Variants in NRXN1 observed in about 807,000 individuals in gnomAD.
The protein encoded by NRXN1 is neurexin 1, also known as neurexin-1.
In NRXN1, 39 loss-of-function variants were observed where a neutral mutation model predicts 150.9. The observed-to-expected ratio is 0.26, with a 90% CI of 0.20 to 0.34. The LOEUF (loss-of-function observed/expected upper bound fraction) is 0.34. Among genes scored for constraint, NRXN1 ranks in the 10% least tolerant of loss-of-function variants. The pLI is 1.00. For missense variants in NRXN1, 1,815 were observed against 1,949.9 expected, an observed-to-expected ratio of 0.93 and a Z score of 1.30; for synonymous variants, 924 against 757.0, an observed-to-expected ratio of 1.22 and a Z score of -3.62.
intron 18 of NRXN1, among the ~76,000 whole-genome samples, chr2:50,093,346 T>C (rs1699822109): frequency 6.6e-6 from 1 of 151,584 alleles, no homozygotes; most frequent in African/African-American, 2.4e-5. Context: ...CCAGAAGTGA[T>C]GGCACACATG....
intron 5 of NRXN1, chr2:50,696,232 T>C (rs1008707337): frequency 6.6e-6 from 1 of 152,006 alleles, no homozygotes; most frequent in African/African-American, 2.4e-5. Flanking sequence ...ACATATGCTA[T>C]ATACACACAC....
intron 17 of NRXN1, among the ~76,000 whole-genome samples, chr2:50,279,700 T>C (rs1053995226): frequency 3.3e-5 from 5 of 149,518 alleles, no homozygotes; most frequent in African/African-American, 9.7e-5. Context: ...TGCTTGTTTA[T>C]AGACCACTTT....
chr2:50,752,509 G>A (rs570251990), intron 5 of NRXN1, among the ~76,000 whole-genome samples: 1 of 152,034 alleles, frequency 6.6e-6, no homozygotes, highest in East Asian at 1.9e-4. Context: ...TGCTGATCTG[G>A]AGAGATGAAT....
intron 17 of NRXN1, among the ~76,000 whole-genome samples, chr2:50,366,665 G>A (rs2153015103): frequency 6.6e-6 from 1 of 151,968 alleles, no homozygotes; most frequent in Non-Finnish European, 1.5e-5. Context: ...TTAAAGGTAG[G>A]TTTTGGTAGA....
chr2:50,186,701 T>C (rs183964691), intron 18 of NRXN1, among the ~76,000 whole-genome samples: 247 of 152,136 alleles, frequency 1.6e-3, no homozygotes, highest in African/African-American at 5.2e-3. Flanking sequence ...CGAAAAGACA[T>C]AGAATGCTTC....
At chr2:50,582,805 TGGTTTCAGTTG>T (rs1301845822) in intron 8 of NRXN1, among the ~76,000 whole-genome samples, 1 of 152,170 alleles carries the variant, frequency 6.6e-6, no homozygotes, top group Admixed American at 6.5e-5. Flanking sequence ...CTGAACCATA[TGGTTTCAGTTG>T]GGTTTCAGTT....
At chr2:51,024,437 C>T (rs541629502) in intron 2 of NRXN1, among the ~76,000 whole-genome samples, 5 of 152,068 alleles carry the variant, frequency 3.3e-5, no homozygotes, top group Admixed American at 1.3e-4. Context: ...ATTTGCCAGA[C>T]GTCAAGAAAA....
chr2:49,942,589 A>ATATTAT (rs1553398763), intron 22 of NRXN1, among the ~76,000 whole-genome samples: 14 of 149,116 alleles, frequency 9.4e-5, no homozygotes, highest in Non-Finnish European at 1.3e-4. Flanking sequence ...AATGCAAACA[A>ATATTAT]TATTATTATT....
chr2:50,673,551 A>C (rs1689144068), intron 5 of NRXN1, among the ~76,000 whole-genome samples: 1 of 152,160 alleles, frequency 6.6e-6, no homozygotes, highest in African/African-American at 2.4e-5. Context: ...GTTTACATTT[A>C]GCAGTGTAGG....
At chr2:50,436,871 A>T (rs569202620) in intron 17 of NRXN1, among the ~76,000 whole-genome samples, 1 of 152,316 alleles carries the variant, frequency 6.6e-6, no homozygotes, top group East Asian at 1.9e-4. Flanking sequence ...TGGTATCTCA[A>T]AACTAGGATA....
In NRXN1 at chr2:50,538,243, A is replaced by G; in HGVS notation, c.2143+10T>C. On this transcript the variant is annotated intron_variant, in intron 10 of 22. Transcript: ENST00000401669. ...TCAGGGAGTTGGCTGCTGGGGTTTT[A>G]GAATCCTACCTCTCTCACAGGACCT... is the stretch of plus-strand genomic sequence containing the variant. The G allele has an allele frequency of 6.2e-7, 1 of 1,602,408 alleles. No homozygotes were observed. The highest frequency in any genetic ancestry group is 8.5e-7 in the Non-Finnish European group (1 of 1,172,146).
At chr2:50,464,051 C>G (rs373264443) in intron 17 of NRXN1, 119 of 150,132 alleles carry the variant, frequency 7.9e-4, no homozygotes, top group African/African-American at 2.9e-3. Flanking sequence ...ATGAAAAGCA[C>G]ATGTAAGGCT....
chr2:50,670,045 T>C (rs890506843), intron 5 of NRXN1, among the ~76,000 whole-genome samples: 2 of 151,834 alleles, frequency 1.3e-5, no homozygotes, highest in African/African-American at 2.4e-5. Context: ...GTTTTATACA[T>C]GTATAGTCCA....
At chr2:50,595,865 A>G (rs138643192) in intron 8 of NRXN1, among the ~76,000 whole-genome samples, 10 of 152,336 alleles carry the variant, frequency 6.6e-5, no homozygotes, top group African/African-American at 2.4e-4. Context: ...AAATGCTAAA[A>G]CAATGCAAAA....
chr2:50,978,292 ATATATATATATAT>A (rs1362009170), intron 2 of NRXN1, among the ~76,000 whole-genome samples: 5 of 131,732 alleles, frequency 3.8e-5, no homozygotes, highest in Admixed American at 3.1e-4. Flanking sequence ...ATATATATAT[ATATATATATATAT>A]AAAATATATA....
intron 17 of NRXN1, among the ~76,000 whole-genome samples, chr2:50,337,270 G>A (rs113714188): frequency 0.022 from 3,267 of 151,742 alleles, 128 homozygotes; most frequent in African/African-American, 0.075. Context: ...TTTTTAGTAC[G>A]GATGGGGTTT....
At chr2:50,241,359 T>C (rs2065983735) in intron 17 of NRXN1, among the ~76,000 whole-genome samples, 1 of 151,838 alleles carries the variant, frequency 6.6e-6, no homozygotes, top group Non-Finnish European at 1.5e-5. Context: ...TGGCAGTACA[T>C]CTTAATCACA....
intron 17 of NRXN1, among the ~76,000 whole-genome samples, chr2:50,268,064 C>T (rs1043213796): frequency 1.3e-5 from 2 of 152,046 alleles, no homozygotes; most frequent in Admixed American, 1.3e-4. Flanking sequence ...GTAACGTGCA[C>T]TTGTAAACCC....
At chr2:50,405,240 T>C (rs1023653418) in intron 17 of NRXN1, among the ~76,000 whole-genome samples, 1 of 152,160 alleles carries the variant, frequency 6.6e-6, no homozygotes, top group African/African-American at 2.4e-5. Flanking sequence ...CAGAAAAGTT[T>C]CCTTGTTGAT....
Sources: allele counts gnomAD v4.1 joint callset (sites outside exome capture counted in the v4.1 genomes callset), GRCh38; gene constraint gnomAD v4.1.1; transcripts MANE v1.5; gene names NCBI Gene and HGNC (gene_info 2026-07-23, HGNC 2026-07-21).